The following TRAPPC9 variants were observed in gnomAD, a reference collection of about 807,000 sequenced individuals.
TRAPPC9 encodes the protein IKK2 binding protein.
Under a neutral mutation model 124.0 loss-of-function variants are expected in TRAPPC9, and 83 were observed. The observed-to-expected ratio is 0.67, with a 90% CI of 0.56 to 0.80. The LOEUF (loss-of-function observed/expected upper bound fraction) is 0.80. Among genes scored for constraint, TRAPPC9 ranks in the 30% least tolerant of loss-of-function variants. TRAPPC9 has a pLI of 0.00. For missense variants in TRAPPC9, 1,302 were observed against 1,508.3 expected (o/e 0.86, Z 2.27); for synonymous variants, 638 against 617.5 (o/e 1.03, Z -0.49).
At chr8:139,892,291 C>G (rs566498346) in intron 20 of TRAPPC9, among the ~76,000 whole-genome samples, 3 of 152,298 alleles carry the variant, frequency 2.0e-5, no homozygotes, top group South Asian at 2.1e-4. Context: ...TACCAGGCCC[C>G]TCCTAGGAGA....
intron 9 of TRAPPC9, among the ~76,000 whole-genome samples, chr8:140,332,360 A>G (rs1246019102): frequency 1.3e-5 from 2 of 152,206 alleles, no homozygotes; most frequent in Non-Finnish European, 2.9e-5. Flanking sequence ...AACAGAGACA[A>G]AATTACAGCT....
intron 18 of TRAPPC9, among the ~76,000 whole-genome samples, chr8:140,014,386 T>C (rs779634219): frequency 6.6e-6 from 1 of 152,100 alleles, no homozygotes; most frequent in Non-Finnish European, 1.5e-5. Context: ...ATTTGATCTT[T>C]TAAATAAAAG....
At chr8:139,823,987 G>A (rs565480709) in intron 21 of TRAPPC9, among the ~76,000 whole-genome samples, 2 of 152,266 alleles carry the variant, frequency 1.3e-5, no homozygotes, top group South Asian at 2.1e-4. Context: ...GTGAGGATCC[G>A]GATAAAAATA....
At chr8:140,144,963 T>G (rs1221189630) in intron 17 of TRAPPC9, among the ~76,000 whole-genome samples, 1 of 152,104 alleles carries the variant, frequency 6.6e-6, no homozygotes, top group Non-Finnish European at 1.5e-5. Flanking sequence ...AACCTCTGCC[T>G]CACGGGTTCA....
intron 17 of TRAPPC9, among the ~76,000 whole-genome samples, chr8:140,103,416 C>A (rs1225519127): frequency 2.0e-5 from 3 of 152,192 alleles, no homozygotes; most frequent in African/African-American, 7.2e-5. Context: ...CCCAACCCCA[C>A]CCACAGGGGA....
In TRAPPC9 at chr8:140,117,023, G is replaced by C. The variant is rs559743620; in HGVS notation, c.2557-92944C>G. On this transcript the variant is annotated intron_variant, in intron 17 of 22. Coordinates refer to ENST00000438773, the MANE Select transcript of TRAPPC9 (RefSeq NM_001160372.4). ...ATCCGGCCACAGGCTGGATCCACAC[G>C]AACAGGAGGAGGAGATGTCCTCTCA... is the stretch of plus-strand genomic sequence containing the variant. Among the ~76,000 whole-genome samples the C allele has an allele frequency of 1.9e-4, 29 of 152,174 alleles. No individual in the cohort carries two copies. In the South Asian group the frequency reaches 4.8e-3, roughly 25 times the overall value.
intron 7 of TRAPPC9, among the ~76,000 whole-genome samples, chr8:140,382,498 C>T (rs557504201): frequency 5.9e-5 from 9 of 152,316 alleles, no homozygotes; most frequent in African/African-American, 1.7e-4. Context: ...TTATATCCCG[C>T]GCATGGCTGG....
At chr8:139,740,152 T>G (rs531215474) in intron 21 of TRAPPC9, among the ~76,000 whole-genome samples, 1 of 152,334 alleles carries the variant, frequency 6.6e-6, no homozygotes, top group South Asian at 2.1e-4. Flanking sequence ...AGGAATCTCC[T>G]GGGAGCCAAT....
chr8:139,956,740 T>C (rs1303606761), intron 19 of TRAPPC9, among the ~76,000 whole-genome samples: 2 of 152,290 alleles, frequency 1.3e-5, no homozygotes, highest in Non-Finnish European at 1.5e-5. Flanking sequence ...CGGCTCCGCG[T>C]AGACTCGTTG....
At position 140,131,726 on chromosome 8, in the gene TRAPPC9, C is replaced by T. The variant is rs73361150; in HGVS notation, c.2556+89733G>A. On this transcript the variant is annotated intron_variant, in intron 17 of 22. Coordinates refer to ENST00000438773, the MANE Select transcript of TRAPPC9 (RefSeq NM_001160372.4). The stretch of plus-strand genomic sequence containing the variant: ...AGGGAACAAAGGCTTGAGGGCGAGT[C>T]GCCTGGTGGTCCTCTCCATCCAGAC... 6.2e-3 allele frequency among the ~76,000 whole-genome samples: 945 copies of T among 152,334 alleles called. 9 individuals are homozygous for T. Among genetic ancestry groups the T allele is most frequent in the African/African-American group, 0.021 (861 of 41,568 alleles).
At chr8:140,313,568 A>G (rs1388639549) in intron 9 of TRAPPC9, among the ~76,000 whole-genome samples, 1 of 152,108 alleles carries the variant, frequency 6.6e-6, no homozygotes, top group Non-Finnish European at 1.5e-5. Flanking sequence ...TGTCCTATGT[A>G]GGGATATAGC....
intron 17 of TRAPPC9, among the ~76,000 whole-genome samples, chr8:140,034,464 T>C (rs956066661): frequency 2.0e-5 from 3 of 152,136 alleles, no homozygotes; most frequent in Non-Finnish European, 4.4e-5. Context: ...ACCTCCTCAA[T>C]AAACAGCACG....
chr8:139,835,152 G>A (rs1826250384), intron 21 of TRAPPC9, among the ~76,000 whole-genome samples: 1 of 152,196 alleles, frequency 6.6e-6, no homozygotes, highest in Non-Finnish European at 1.5e-5. Context: ...TGGAGCCTTG[G>A]ACTAGAGCAC....
intron 17 of TRAPPC9, among the ~76,000 whole-genome samples, chr8:140,072,553 GA>G (rs1843228098): frequency 8.8e-6 from 1 of 114,174 alleles, no homozygotes; most frequent in African/African-American, 3.3e-5. Flanking sequence ...GGAGGAAGAG[GA>G]GGAGGAGGAG....
intron 21 of TRAPPC9, among the ~76,000 whole-genome samples, chr8:139,732,981 G>A (rs1340306580): frequency 6.6e-6 from 1 of 152,154 alleles, no homozygotes; most frequent in Non-Finnish European, 1.5e-5. Flanking sequence ...GGAGGCTGAG[G>A]TCAGGGTGGG....
At chr8:140,371,929 C>G (rs991843197) in intron 7 of TRAPPC9, among the ~76,000 whole-genome samples, 1 of 152,202 alleles carries the variant, frequency 6.6e-6, no homozygotes, top group Non-Finnish European at 1.5e-5. Context: ...TCTCGAACTC[C>G]TGACCTCAGG....
chr8:140,064,695 T>C (rs915725725), intron 17 of TRAPPC9, among the ~76,000 whole-genome samples: 2 of 152,218 alleles, frequency 1.3e-5, no homozygotes, highest in Admixed American at 6.5e-5. Context: ...GTCCTGGGAA[T>C]TGCACAAACA....
At chr8:140,457,332 C>T (rs1037715578) in intron 1 of TRAPPC9, among the ~76,000 whole-genome samples, 1 of 152,224 alleles carries the variant, frequency 6.6e-6, no homozygotes, top group African/African-American at 2.4e-5. Flanking sequence ...CTCGGGAGAG[C>T]AGAGCCGGCC....
At chr8:140,208,625 T>C (rs1277048294) in intron 17 of TRAPPC9, among the ~76,000 whole-genome samples, 1 of 152,224 alleles carries the variant, frequency 6.6e-6, no homozygotes, top group Non-Finnish European at 1.5e-5. Context: ...TTAGAGGTCA[T>C]TTCATTTGCT....
Sources: allele counts gnomAD v4.1 joint callset (sites outside exome capture counted in the v4.1 genomes callset), GRCh38; gene constraint gnomAD v4.1.1; transcripts MANE v1.5; gene names NCBI Gene and HGNC (gene_info 2026-07-23, HGNC 2026-07-21).